The following TCF4 variants were observed in gnomAD, a reference collection of about 807,000 sequenced individuals.
TCF4 encodes the protein SL3-3 enhancer factor 2.
In TCF4, 3 loss-of-function variants were observed where a neutral mutation model predicts 82.1. That is an observed-to-expected ratio of 0.04 (90% CI 0.02 to 0.09). TCF4 has a LOEUF of 0.09. TCF4 is among the 10% of genes least tolerant of loss of function. The pLI, the probability that TCF4 is intolerant of heterozygous loss-of-function variation, is 1.00. For synonymous variants in TCF4, 276 were observed against 309.6 expected, an observed-to-expected ratio of 0.89 and a Z score of 1.14; for missense variants, 518 against 852.7, an observed-to-expected ratio of 0.61 and a Z score of 4.89.
chr18:55,468,885 C>CT lies in TCF4; in HGVS notation c.146-4749_146-4748insA, dbSNP rs1173185314. ...TGCTGAATCTATTTAGTTCTCGCCC[C>CT]CCCCCCCCTTGTTCTATTGCCACCC... On this transcript the variant is annotated intron_variant, in intron 3 of 19. Transcript: ENST00000354452. Among the ~76,000 whole-genome samples the CT allele has an allele frequency of 9.1e-4, 110 of 120,998 alleles. 1 individual carries two copies. The highest frequency in any genetic ancestry group is 2.5e-3 in the Admixed American group (32 of 12,572). The allele number at this position is 120,998 out of a possible 152,430, so 79.4% of individuals were successfully genotyped here.
At chr18:55,517,028 T>C (rs2096889066) in intron 3 of TCF4, among the ~76,000 whole-genome samples, 1 of 152,238 alleles carries the variant, frequency 6.6e-6, no homozygotes, top group East Asian at 1.9e-4. Context: ...TGCTACAAAG[T>C]CCTAGCAACA....
chr18:55,375,520 T>C (rs2090515143), intron 6 of TCF4, among the ~76,000 whole-genome samples: 1 of 152,052 alleles, frequency 6.6e-6, no homozygotes. Flanking sequence ...CTCTTAACAC[T>C]CTCCTGTAAG....
intron 13 of TCF4, chr18:55,259,735 G>A (rs1456064599): frequency 3.6e-6 from 2 of 554,788 alleles, no homozygotes. Context: ...ATTTTAAAAA[G>A]ATAATCTAAT....
chr18:55,612,634 C>T (rs955928021), intron 2 of TCF4, among the ~76,000 whole-genome samples: 1 of 151,692 alleles, frequency 6.6e-6, no homozygotes, highest in African/African-American at 2.4e-5. Flanking sequence ...AAATTGTATA[C>T]ATTTAGGAGG....
chr18:55,455,184 A>G (rs1237283020), intron 5 of TCF4, among the ~76,000 whole-genome samples: 2 of 147,476 alleles, frequency 1.4e-5, no homozygotes. Flanking sequence ...TGTCTCAAAA[A>G]AAAAAAAAAA....
intron 2 of TCF4, among the ~76,000 whole-genome samples, chr18:55,606,316 TGA>T (rs2097702195): frequency 6.6e-6 from 1 of 152,204 alleles, no homozygotes; most frequent in African/African-American, 2.4e-5. Context: ...CCATTACTTT[TGA>T]GAGTGTGAAA....
Position 55,542,720 on chromosome 18 carries a change from C to T in TCF4, c.145+42560G>A, listed in dbSNP as rs2097174779. The stretch of plus-strand genomic sequence containing the variant: ...TATTAGCACTGCAATCATGTCCACA[C>T]TAACTAAATATATTTTCATACATTT... On this transcript the variant is annotated intron_variant, in intron 3 of 19. Transcript: ENST00000354452. 2.0e-5 allele frequency among the ~76,000 whole-genome samples: 3 copies of T among 151,894 alleles called. No homozygotes were observed. The South Asian group carries it at 6.2e-4, about 31-fold the overall frequency.
chr18:55,228,450 T>G, intron 18 of TCF4, 89 bp from the exon 19 acceptor site: 1 of 1,542,506 alleles, frequency 6.5e-7, no homozygotes, highest in East Asian at 2.2e-5. Context: ...GTCTGACCTT[T>G]TTCTCAGTGT....
At chr18:55,263,726 T>G (rs964397680) in intron 11 of TCF4, among the ~76,000 whole-genome samples, 2 of 151,058 alleles carry the variant, frequency 1.3e-5, no homozygotes, top group African/African-American at 2.5e-5. Context: ...TTGGGGGTAC[T>G]TATCTTTTTT....
At chr18:55,371,778 AC>A (rs1477201937) in intron 6 of TCF4, among the ~76,000 whole-genome samples, 1 of 151,814 alleles carries the variant, frequency 6.6e-6, no homozygotes, top group East Asian at 1.9e-4. Flanking sequence ...ACTGAAATCC[AC>A]CCTATGCTGA....
chr18:55,270,076 A>G, intron 10 of TCF4, 113 bp from the exon 11 acceptor site: 1 of 1,343,232 alleles, frequency 7.4e-7, no homozygotes, highest in Non-Finnish European at 1.1e-6. Context: ...AGCTTTTAGA[A>G]TTTCAAAATA....
chr18:55,242,695 C>T (rs1037016778), intron 15 of TCF4, among the ~76,000 whole-genome samples: 3 of 151,800 alleles, frequency 2.0e-5, no homozygotes, highest in Non-Finnish European at 2.9e-5. Context: ...CTGCAACCTC[C>T]GCCTCCCGGG....
intron 8 of TCF4, among the ~76,000 whole-genome samples, chr18:55,293,711 C>G (rs2065682934): frequency 6.6e-6 from 1 of 152,076 alleles, no homozygotes; most frequent in African/African-American, 2.4e-5. Context: ...TGTCCAGTGC[C>G]TGAATGATGC....
chr18:55,434,428 T>C (rs1422492069), intron 5 of TCF4, among the ~76,000 whole-genome samples: 1 of 148,196 alleles, frequency 6.7e-6, no homozygotes, highest in Non-Finnish European at 1.5e-5. Context: ...TCTTTTTTTT[T>C]TTTTTTTTTG....
intron 2 of TCF4, among the ~76,000 whole-genome samples, chr18:55,622,851 C>A (rs2097722797): frequency 6.7e-6 from 1 of 149,886 alleles, no homozygotes; most frequent in South Asian, 2.1e-4. Flanking sequence ...CGAGAGTTCT[C>A]TATCAGATTT....
intron 8 of TCF4, among the ~76,000 whole-genome samples, chr18:55,315,497 T>C (rs1255582615): frequency 1.3e-5 from 2 of 152,136 alleles, no homozygotes; most frequent in Admixed American, 6.6e-5. Flanking sequence ...AGGTTGTAGT[T>C]TGGAACCAAG....
At chr18:55,371,211 C>T (rs1025655392) in intron 6 of TCF4, among the ~76,000 whole-genome samples, 5 of 152,180 alleles carry the variant, frequency 3.3e-5, no homozygotes, top group African/African-American at 1.2e-4. Flanking sequence ...GCCAGTTATA[C>T]CTCTTCATTA....
At chr18:55,322,404 G>A (rs2075808409) in intron 8 of TCF4, 3 of 995,328 alleles carry the variant, frequency 3.0e-6, no homozygotes, top group Non-Finnish European at 3.6e-6. Context: ...CTCGGAGAAA[G>A]GGGAGGGAAA....
intron 3 of TCF4, among the ~76,000 whole-genome samples, chr18:55,502,802 T>C (rs1054104309): frequency 6.6e-6 from 1 of 152,222 alleles, no homozygotes; most frequent in Non-Finnish European, 1.5e-5. Flanking sequence ...TAATTCATTT[T>C]TCTAAAACTA....
Sources: allele counts gnomAD v4.1 joint callset (sites outside exome capture counted in the v4.1 genomes callset), GRCh38; gene constraint gnomAD v4.1.1; transcripts MANE v1.5; gene names NCBI Gene and HGNC (gene_info 2026-07-23, HGNC 2026-07-21).